Variants in GALNTL6 observed in about 807,000 individuals in gnomAD.
The protein encoded by GALNTL6 is polypeptide N-acetylgalactosaminyltransferase-like 6.
A neutral mutation model predicts 73.7 loss-of-function variants in GALNTL6; 46 were observed. That is an observed-to-expected ratio of 0.62 (90% CI 0.49 to 0.80). The LOEUF is 0.80. Ranked by LOEUF, GALNTL6 falls within the 30% of genes least tolerant of loss-of-function variation. GALNTL6 has a pLI of 0.00. For synonymous variants in GALNTL6, 259 were observed against 263.7 expected (o/e 0.98, Z 0.17); for missense variants, 604 against 755.0 (o/e 0.80, Z 2.34).
chr4:172,203,934 C>T (rs967372168), intron 2 of GALNTL6, among the ~76,000 whole-genome samples: 4 of 151,880 alleles, frequency 2.6e-5, no homozygotes, highest in East Asian at 3.9e-4. Flanking sequence ...TTAGTAGAGA[C>T]GGTGTTTCTC....
At chr4:172,882,197 A>G (rs1745491458) in intron 7 of GALNTL6, among the ~76,000 whole-genome samples, 1 of 152,220 alleles carries the variant, frequency 6.6e-6, no homozygotes, top group Non-Finnish European at 1.5e-5. Context: ...GAAGGCCTAA[A>G]AAGAATAGTA....
At chr4:172,768,938 A>G (rs529170299) in intron 5 of GALNTL6, among the ~76,000 whole-genome samples, 1 of 152,108 alleles carries the variant, frequency 6.6e-6, no homozygotes, top group African/African-American at 2.4e-5. Flanking sequence ...AGTTCAGACA[A>G]GAGAGAGATA....
chr4:172,125,303 G>T (rs1733264741), intron 2 of GALNTL6, among the ~76,000 whole-genome samples: 1 of 152,078 alleles, frequency 6.6e-6, no homozygotes, highest in African/African-American at 2.4e-5. Flanking sequence ...ATCTCAGGAA[G>T]AAATATGGCA....
intron 4 of GALNTL6, among the ~76,000 whole-genome samples, chr4:172,342,956 G>A (rs557069946): frequency 2.6e-5 from 4 of 152,292 alleles, no homozygotes; most frequent in Non-Finnish European, 5.9e-5. Flanking sequence ...CTACCACAAT[G>A]ATTGACAGTG....
rs1014800619 is a variant in GALNTL6, at chr4:172,206,975, G to A, written c.139-22681G>A. 2.0e-5 allele frequency among the ~76,000 whole-genome samples: 3 copies of A among 151,282 alleles called. No homozygotes were observed. The East Asian group carries it at 5.9e-4, about 30-fold the overall frequency. ...TGGGACTACAGGCACCCACCACCACGCCCGGCTAGTTTTTTGTATTTTTAG... is the reference window on the plus strand; with the variant it reads ...TGGGACTACAGGCACCCACCACCACACCCGGCTAGTTTTTTGTATTTTTAG... On this transcript the variant is annotated intron_variant, in intron 2 of 12. Coordinates refer to ENST00000506823, the MANE Select transcript of GALNTL6 (RefSeq NM_001034845.3).
At chr4:171,920,134 A>T (rs1737742418) in intron 2 of GALNTL6, among the ~76,000 whole-genome samples, 1 of 152,174 alleles carries the variant, frequency 6.6e-6, no homozygotes. Flanking sequence ...AAGGACAAAA[A>T]AACCAAACAC....
intron 7 of GALNTL6, among the ~76,000 whole-genome samples, chr4:172,851,077 G>T (rs956155918): frequency 6.6e-6 from 1 of 152,074 alleles, no homozygotes; most frequent in African/African-American, 2.4e-5. Context: ...GAGAATGGGG[G>T]TGGGGCTGAG....
At chr4:172,900,407 T>G (rs1746563870) in intron 8 of GALNTL6, among the ~76,000 whole-genome samples, 1 of 152,166 alleles carries the variant, frequency 6.6e-6, no homozygotes, top group Non-Finnish European at 1.5e-5. Context: ...ACCAACACCA[T>G]TCTTAAGTTC....
chr4:172,799,126 C>T (rs1214522119), intron 5 of GALNTL6, among the ~76,000 whole-genome samples: 1 of 152,132 alleles, frequency 6.6e-6, no homozygotes, highest in Non-Finnish European at 1.5e-5. Context: ...GAAAGGAAGG[C>T]TAAGAGCGGG....
chr4:171,943,779 G>A (rs1738622554), intron 2 of GALNTL6, among the ~76,000 whole-genome samples: 1 of 152,118 alleles, frequency 6.6e-6, no homozygotes, highest in Non-Finnish European at 1.5e-5. Flanking sequence ...TTTCCTTGAA[G>A]TTCAAATCCA....
At chr4:172,786,807 G>T (rs1302080521) in intron 5 of GALNTL6, among the ~76,000 whole-genome samples, 2 of 152,146 alleles carry the variant, frequency 1.3e-5, no homozygotes, top group Non-Finnish European at 2.9e-5. Context: ...GAAAAGTGAT[G>T]AAGGTCCAAA....
At chr4:172,935,972 C>T (rs756113388) in intron 9 of GALNTL6, among the ~76,000 whole-genome samples, 1 of 152,088 alleles carries the variant, frequency 6.6e-6, no homozygotes, top group Non-Finnish European at 1.5e-5. Context: ...GGCAGAGACA[C>T]CACAAAAAAA....
At chr4:172,679,977 A>T (rs2164823) in intron 5 of GALNTL6, among the ~76,000 whole-genome samples, 4,794 of 151,862 alleles carry the variant, frequency 0.032, 124 homozygotes, top group South Asian at 0.091. Context: ...TTGCAGCTGG[A>T]TTCTAGTAAT....
chr4:172,399,843 T>G (rs1197994942), intron 5 of GALNTL6, among the ~76,000 whole-genome samples: 1 of 152,180 alleles, frequency 6.6e-6, no homozygotes, highest in Non-Finnish European at 1.5e-5. Context: ...TTTTTAAATT[T>G]TTTTGCCCTA....
At chr4:172,419,838 G>C (rs757607034) in intron 5 of GALNTL6, among the ~76,000 whole-genome samples, 1 of 152,048 alleles carries the variant, frequency 6.6e-6, no homozygotes, top group Non-Finnish European at 1.5e-5. Context: ...ATGTTTATTT[G>C]CTTACTTTTA....
intron 10 of GALNTL6, among the ~76,000 whole-genome samples, chr4:172,983,208 G>A (rs1220808751): frequency 6.6e-6 from 1 of 152,144 alleles, no homozygotes; most frequent in Non-Finnish European, 1.5e-5. Context: ...CACAAGCCAA[G>A]GAATGCTGGC....
At chr4:172,591,861 G>A (rs1043079497) in intron 5 of GALNTL6, among the ~76,000 whole-genome samples, 1 of 152,150 alleles carries the variant, frequency 6.6e-6, no homozygotes, top group African/African-American at 2.4e-5. Flanking sequence ...AGGTATTGGT[G>A]CAAAATGGCT....
chr4:171,835,031 A>T (rs780436745), intron 2 of GALNTL6, among the ~76,000 whole-genome samples: 8 of 152,034 alleles, frequency 5.3e-5, no homozygotes, highest in Non-Finnish European at 7.4e-5. Context: ...TTATTGACAG[A>T]CAAAGAACAT....
chr4:172,885,710 TATC>T (rs1399741276), intron 8 of GALNTL6, among the ~76,000 whole-genome samples: 1 of 152,210 alleles, frequency 6.6e-6, no homozygotes, highest in Non-Finnish European at 1.5e-5. Context: ...ATATGGCTGT[TATC>T]ATATTGAGAT....
Sources: allele counts gnomAD v4.1 joint callset (sites outside exome capture counted in the v4.1 genomes callset), GRCh38; gene constraint gnomAD v4.1.1; transcripts MANE v1.5; gene names NCBI Gene and HGNC (gene_info 2026-07-23, HGNC 2026-07-21).